The following NCK2 variants were observed in gnomAD, a reference collection of about 807,000 sequenced individuals.
The protein encoded by NCK2 is NCK adaptor protein 2.
In NCK2, 16 loss-of-function variants were observed where a neutral mutation model predicts 33.9. The ratio of observed to expected loss-of-function variants is 0.47; its 90% confidence interval spans 0.32 to 0.72. The LOEUF is 0.72. Among genes scored for constraint, NCK2 ranks in the 30% least tolerant of loss-of-function variants. The probability of loss-of-function intolerance (pLI) is 0.03; values close to 1 mark genes in which losing one functional copy is unlikely to be tolerated. For missense variants in NCK2, 418 were observed against 537.3 expected (o/e 0.78, Z 2.19); for synonymous variants, 273 against 239.9 (o/e 1.14, Z -1.27).
At chr2:105,827,882 T>A (rs12997041) in intron 2 of NCK2, among the ~76,000 whole-genome samples, 1 of 152,044 alleles carries the variant, frequency 6.6e-6, no homozygotes, top group Non-Finnish European at 1.5e-5. Flanking sequence ...GAAATAGTCT[T>A]GATTGGCATG....
chr2:105,750,348 C>T (rs1046678242), intron 1 of NCK2, among the ~76,000 whole-genome samples: 22 of 152,180 alleles, frequency 1.4e-4, no homozygotes, highest in African/African-American at 5.1e-4. Context: ...CCTTTTTTAA[C>T]CTTAATTGCC....
chr2:105,866,071 C>T (rs577556472), intron 3 of NCK2, among the ~76,000 whole-genome samples: 3 of 152,260 alleles, frequency 2.0e-5, no homozygotes, highest in East Asian at 3.9e-4. Flanking sequence ...TGCGCCGCCA[C>T]ACCCAGTTGA....
chr2:105,892,414 T>C (rs1172327717), intron 4 of NCK2, among the ~76,000 whole-genome samples: 1 of 152,236 alleles, frequency 6.6e-6, no homozygotes, highest in African/African-American at 2.4e-5. Context: ...TTTGCACTTT[T>C]CAAATAACTA....
At chr2:105,851,531 A>T (rs1218161112) in intron 2 of NCK2, among the ~76,000 whole-genome samples, 2 of 152,088 alleles carry the variant, frequency 1.3e-5, no homozygotes, top group Non-Finnish European at 2.9e-5. Context: ...TGCTGGGATT[A>T]CAGGCGTGAG....
chr2:105,776,722 G>A (rs1013740374), intron 1 of NCK2, among the ~76,000 whole-genome samples: 1 of 152,166 alleles, frequency 6.6e-6, no homozygotes, highest in Non-Finnish European at 1.5e-5. Flanking sequence ...GCTGGACTTA[G>A]TCCAGGCTCC....
chr2:105,844,748 A>ATG (rs1676789749), intron 2 of NCK2, among the ~76,000 whole-genome samples: 1 of 4,054 alleles, frequency 2.5e-4, no homozygotes, highest in Non-Finnish European at 4.3e-4. Context: ...GCGGGGGGGG[A>ATG]TATATATATA....
rs117970405 is a variant in NCK2, at chr2:105,881,374, C to G, written c.273C>G (p.Pro91=). ...RRKTSARDAS[P]TPSTDAEYPA... ...AGACCAGCGCGCGGGATGCGTCCCC[C>G]ACGCCCAGCACGGACGCCGAGTACC... Residue 91 remains proline, a synonymous_variant, in exon 4 of 5, where the codon CCC becomes CCG. Transcript: ENST00000233154. 1 of 1,609,398 alleles carries G rather than the reference C, an allele frequency of 6.2e-7. No homozygotes were observed. Among genetic ancestry groups the G allele is most frequent in the Non-Finnish European group, 8.5e-7 (1 of 1,179,578 alleles).
At chr2:105,761,684 C>T (rs916998569) in intron 1 of NCK2, among the ~76,000 whole-genome samples, 1 of 152,110 alleles carries the variant, frequency 6.6e-6, no homozygotes, top group African/African-American at 2.4e-5. Flanking sequence ...TCAAGACCAG[C>T]CTGGGCAACA....
chr2:105,828,927 C>T (rs1248054702), intron 2 of NCK2, among the ~76,000 whole-genome samples: 3 of 152,164 alleles, frequency 2.0e-5, no homozygotes, highest in Non-Finnish European at 2.9e-5. Flanking sequence ...CCACCTTTCC[C>T]AAAATAGGCA....
chr2:105,844,189 C>CA (rs1183740756), intron 2 of NCK2, among the ~76,000 whole-genome samples: 15 of 151,498 alleles, frequency 9.9e-5, no homozygotes, highest in Admixed American at 5.9e-4. Context: ...CAATGCTCTT[C>CA]AAAAAAAAGG....
intron 1 of NCK2, among the ~76,000 whole-genome samples, chr2:105,779,515 G>A (rs1193249922): frequency 6.6e-6 from 1 of 152,126 alleles, no homozygotes; most frequent in African/African-American, 2.4e-5. Flanking sequence ...GTGGTGGGTG[G>A]CTGCGTCCAG....
At chr2:105,836,149 G>A (rs1030443491) in intron 2 of NCK2, among the ~76,000 whole-genome samples, 3 of 122,476 alleles carry the variant, frequency 2.4e-5, no homozygotes, top group African/African-American at 1.1e-4. Flanking sequence ...GAGAATTACT[G>A]TGTTTCTTTG....
intron 1 of NCK2, among the ~76,000 whole-genome samples, chr2:105,764,895 ATCC>A (rs1689888684): frequency 6.6e-6 from 1 of 152,130 alleles, no homozygotes; most frequent in East Asian, 1.9e-4. Context: ...GTTGTGTGAT[ATCC>A]CATGGAGTTG....
At chr2:105,768,967 C>A (rs548049239) in intron 1 of NCK2, among the ~76,000 whole-genome samples, 19 of 152,348 alleles carry the variant, frequency 1.2e-4, no homozygotes, top group African/African-American at 4.3e-4. Flanking sequence ...CCTGGCCCCC[C>A]ACCCCTCCCA....
At chr2:105,884,239 C>T (rs985372027) in intron 4 of NCK2, among the ~76,000 whole-genome samples, 2 of 139,112 alleles carry the variant, frequency 1.4e-5, no homozygotes, top group African/African-American at 5.4e-5. Flanking sequence ...TTGTTTTTTT[C>T]CCACCATCCA....
At chr2:105,846,863 T>A (rs1676874067) in intron 2 of NCK2, 1 of 152,210 alleles carries the variant, frequency 6.6e-6, no homozygotes, top group African/African-American at 2.4e-5. Context: ...GAAGAGATAT[T>A]TGCATACTCA....
chr2:105,871,056 G>A (rs1001461662), intron 3 of NCK2, among the ~76,000 whole-genome samples: 5 of 152,280 alleles, frequency 3.3e-5, no homozygotes, highest in African/African-American at 1.2e-4. Flanking sequence ...GGCAGTGGAG[G>A]TGCCTGTCAC....
chr2:105,783,327 A>G (rs1033776114), intron 1 of NCK2, among the ~76,000 whole-genome samples: 1 of 152,148 alleles, frequency 6.6e-6, no homozygotes, highest in Non-Finnish European at 1.5e-5. Flanking sequence ...AGCCTCTAAG[A>G]GTCACTAGAG....
chr2:105,802,359 G>A (rs894290728), intron 1 of NCK2, among the ~76,000 whole-genome samples: 1 of 152,140 alleles, frequency 6.6e-6, no homozygotes, highest in Non-Finnish European at 1.5e-5. Flanking sequence ...CATTTTCCAT[G>A]GACATCTGTC....
Sources: allele counts gnomAD v4.1 joint callset (sites outside exome capture counted in the v4.1 genomes callset), GRCh38; gene constraint gnomAD v4.1.1; transcripts MANE v1.5; gene names NCBI Gene and HGNC (gene_info 2026-07-23, HGNC 2026-07-21).